The following AGAP1 variants were observed in gnomAD, a reference collection of about 807,000 sequenced individuals.
AGAP1 encodes arf-GAP with GTPase, ANK repeat and PH domain-containing protein 1.
AGAP1 carries 29 observed loss-of-function variants against 105.3 expected under a neutral mutation model. The observed-to-expected ratio is 0.28, with a 90% confidence interval of 0.21 to 0.38. The LOEUF (loss-of-function observed/expected upper bound fraction) is 0.38, where lower values mean the gene tolerates loss of function less well. Ranked by LOEUF, AGAP1 falls within the 10% of genes least tolerant of loss-of-function variation. The probability of loss-of-function intolerance (pLI) is 1.00; values close to 1 mark genes in which losing one functional copy is unlikely to be tolerated. For missense variants in AGAP1, 998 were observed against 1,165.1 expected, an observed-to-expected ratio of 0.86 and a Z score of 2.09; for synonymous variants, 509 against 485.9, an observed-to-expected ratio of 1.05 and a Z score of -0.63.
At chr2:235,819,203 C>T (rs774288616) in intron 9 of AGAP1, among the ~76,000 whole-genome samples, 37 of 151,478 alleles carry the variant, frequency 2.4e-4, no homozygotes, top group Admixed American at 5.3e-4. Context: ...GTAACCTCTG[C>T]CTCCCGTGTT....
chr2:235,887,831 C>T lies in AGAP1; in HGVS notation c.1155+4382C>T, dbSNP rs184208144. On this transcript the variant is annotated intron_variant, in intron 10 of 17. Coordinates refer to ENST00000304032, the MANE Select transcript of AGAP1 (RefSeq NM_001037131.3). The surrounding 1 kb of genome is among the most constrained non-coding windows in gnomAD (Gnocchi z 4.1). ...GGAAACTAGCATGCTTTTGGGGAGA[C>T]GGGATTCTAATCAGCTAATACTTCT... 1.3e-5 allele frequency among the ~76,000 whole-genome samples: 2 copies of T among 152,176 alleles called. No homozygotes were observed. Among genetic ancestry groups the T allele is most frequent in the African/African-American group, 4.8e-5 (2 of 41,440 alleles).
At chr2:235,814,603 A>T (rs1030115466) in intron 9 of AGAP1, among the ~76,000 whole-genome samples, 1 of 152,166 alleles carries the variant, frequency 6.6e-6, no homozygotes, top group Non-Finnish European at 1.5e-5. Flanking sequence ...GTGTGTACTG[A>T]CGATCCCATC....
At position 235,635,622 on chromosome 2, in the gene AGAP1, A is replaced by AGT. The variant is rs1946970423; in HGVS notation, c.164-73556_164-73555dup. 6.6e-6 allele frequency among the ~76,000 whole-genome samples: 1 copy of AGT among 151,884 alleles called. No homozygotes were observed. Among genetic ancestry groups the AGT allele is most frequent in the African/African-American group, 2.4e-5 (1 of 41,332 alleles). On this transcript the variant is annotated intron_variant, in intron 1 of 17. Coordinates refer to ENST00000304032, the MANE Select transcript of AGAP1 (RefSeq NM_001037131.3). This position sits in a 1 kb window ranked among gnomAD's most constrained non-coding sequence, Gnocchi z 5.3. ...CCTAGAGCAACCTACTAGATCAATGAGTTTTCTAGGGAGGCATCAGAGTTA... is the reference window on the plus strand; with the variant it reads ...CCTAGAGCAACCTACTAGATCAATGAGTGTTTTCTAGGGAGGCATCAGAGTTA...
chr2:235,671,407 C>T (rs1948418227), intron 1 of AGAP1, among the ~76,000 whole-genome samples: 1 of 152,184 alleles, frequency 6.6e-6, no homozygotes, highest in Non-Finnish European at 1.5e-5. Flanking sequence ...ACCTGTGGGG[C>T]CGCCCCAGGG....
At chr2:235,638,598 A>G (rs1947088935) in intron 1 of AGAP1, among the ~76,000 whole-genome samples, 1 of 152,238 alleles carries the variant, frequency 6.6e-6, no homozygotes, top group African/African-American at 2.4e-5. Flanking sequence ...ATATGCCCAG[A>G]AAAAAGACAG....
intron 3 of AGAP1, among the ~76,000 whole-genome samples, 174 bp downstream of exon 3, chr2:235,717,818 G>A (rs941260352): frequency 9.2e-5 from 14 of 152,160 alleles, no homozygotes; most frequent in Non-Finnish European, 1.5e-4. Context: ...TAGCAAACCC[G>A]TTATATTCAC....
At chr2:236,118,780 T>C (rs76779848) in intron 16 of AGAP1, among the ~76,000 whole-genome samples, 2,560 of 152,252 alleles carry the variant, frequency 0.017, 69 homozygotes, top group African/African-American at 0.059. Flanking sequence ...TTTCAAGAGC[T>C]ACTTGTAAAA....
intron 6 of AGAP1, among the ~76,000 whole-genome samples, chr2:235,773,290 T>A (rs1173091762): frequency 6.6e-6 from 1 of 152,170 alleles, no homozygotes; most frequent in Non-Finnish European, 1.5e-5. Flanking sequence ...AAGCAACCAA[T>A]CCAAGGTGGA....
chr2:235,509,012 A>G (rs1574716807), intron 1 of AGAP1, among the ~76,000 whole-genome samples: 1 of 152,040 alleles, frequency 6.6e-6, no homozygotes, highest in African/African-American at 2.4e-5. Flanking sequence ...TCTGCTTCCC[A>G]CTCACTGGCA....
Position 235,918,823 on chromosome 2 carries a change from G to A in AGAP1, c.1324+9917G>A, listed in dbSNP as rs114413995. On this transcript the variant is annotated intron_variant, in intron 11 of 17. Coordinates refer to ENST00000304032, the MANE Select transcript of AGAP1 (RefSeq NM_001037131.3). ...CTGAGCATTGGTGTGTAATTCAGAAGTAAGTATTGTACTTCCTAAATTAAG... is the reference window on the plus strand; with the variant it reads ...CTGAGCATTGGTGTGTAATTCAGAAATAAGTATTGTACTTCCTAAATTAAG... Among the ~76,000 whole-genome samples the A allele has an allele frequency of 4.7e-3, 713 of 152,160 alleles. 5 individuals carry two copies. Among genetic ancestry groups the A allele is most frequent in the African/African-American group, 0.016 (677 of 41,508 alleles).
intron 1 of AGAP1, among the ~76,000 whole-genome samples, chr2:235,686,624 T>TATATATATATATATATATAGAG (rs1949420955): frequency 3.0e-5 from 1 of 33,324 alleles, no homozygotes; most frequent in East Asian, 8.0e-4. Context: ...GATATAGATA[T>TATATATATATATATATATAGAG]ATATATATAT....
rs2049905846 is a variant in AGAP1, at chr2:235,879,495, C to A, written c.1051-3850C>A. Among the ~76,000 whole-genome samples the A allele has an allele frequency of 6.6e-6, 1 of 152,136 alleles. No homozygotes were observed. Among genetic ancestry groups the A allele is most frequent in the Admixed American group, 6.5e-5 (1 of 15,276 alleles). On this transcript the variant is annotated intron_variant, in intron 9 of 17. Transcript: ENST00000304032. This position sits in a 1 kb window ranked among gnomAD's most constrained non-coding sequence, Gnocchi z 5.0. Reference sequence around the variant, plus strand: ...ATAGTGCCTATAATCCAAGATTATCCCCCCTGGCAAGACGTAGAGTTTAAG... The same window carrying A: ...ATAGTGCCTATAATCCAAGATTATCACCCCTGGCAAGACGTAGAGTTTAAG...
At chr2:235,948,902 G>A (rs927840349) in intron 12 of AGAP1, among the ~76,000 whole-genome samples, 7 of 152,234 alleles carry the variant, frequency 4.6e-5, no homozygotes, top group Non-Finnish European at 7.3e-5. Context: ...AGCCTATCCC[G>A]TGTCCAGTAA....
chr2:235,595,058 T>C (rs888025563), intron 1 of AGAP1, among the ~76,000 whole-genome samples: 3 of 152,072 alleles, frequency 2.0e-5, no homozygotes, highest in Admixed American at 6.5e-5. Context: ...GAGGCGGGTG[T>C]GGCGCCAGAG....
At chr2:235,784,702 T>C (rs928478788) in intron 6 of AGAP1, among the ~76,000 whole-genome samples, 4 of 151,800 alleles carry the variant, frequency 2.6e-5, no homozygotes, top group Admixed American at 2.6e-4. Context: ...TATATGTTAA[T>C]CATATAGAAT....
intron 11 of AGAP1, among the ~76,000 whole-genome samples, chr2:235,910,018 CA>C (rs35849910): frequency 0.76 from 112,983 of 149,482 alleles, 42,751 homozygotes; most frequent in East Asian, 0.98. Flanking sequence ...GACTCTATCT[CA>C]AAAAAAAAAA....
intron 1 of AGAP1, among the ~76,000 whole-genome samples, chr2:235,626,456 C>T (rs1946640191): frequency 6.6e-6 from 1 of 152,168 alleles, no homozygotes; most frequent in Admixed American, 6.5e-5. Context: ...CAGTGCATGG[C>T]ACATGGGAAG....
chr2:235,530,787 C>G (rs1559227407), intron 1 of AGAP1, among the ~76,000 whole-genome samples: 1 of 152,210 alleles, frequency 6.6e-6, no homozygotes, highest in Non-Finnish European at 1.5e-5. Flanking sequence ...GACAGTGCCT[C>G]TTTATCATGT....
At chr2:235,531,766 G>A (rs1479263802) in intron 1 of AGAP1, among the ~76,000 whole-genome samples, 2 of 151,886 alleles carry the variant, frequency 1.3e-5, no homozygotes, top group African/African-American at 4.8e-5. Flanking sequence ...CTGCCACCAC[G>A]CCCAGCTAAT....
Sources: gnomAD v4.1 joint callset for allele counts (sites outside exome capture counted in the v4.1 genomes callset) on GRCh38, gnomAD v4.1.1 for gene constraint, Gnocchi (gnomAD v3.1) non-coding constraint, MANE v1.5 for transcripts, NCBI Gene and HGNC (gene_info 2026-07-23, HGNC 2026-07-21) for gene names.